CCDC88A: variants seen among roughly 807,000 people sequenced by gnomAD.
The protein encoded by CCDC88A is coiled-coil and HOOK domain protein 88A, also known as girdin.
In CCDC88A, 54 loss-of-function variants were observed where a neutral mutation model predicts 234.3. The observed-to-expected ratio is 0.23, with a 90% CI of 0.19 to 0.29. The LOEUF is 0.29. Among genes scored for constraint, CCDC88A ranks in the 10% least tolerant of loss-of-function variants. The pLI is 1.00. For missense variants in CCDC88A, 1,832 were observed against 2,123.4 expected (o/e 0.86, Z 2.70); for synonymous variants, 753 against 737.8 (o/e 1.02, Z -0.33).
At chr2:55,340,677 T>C (rs1668364436) in intron 12 of CCDC88A, among the ~76,000 whole-genome samples, 1 of 152,236 alleles carries the variant, frequency 6.6e-6, no homozygotes, top group Non-Finnish European at 1.5e-5. Context: ...CTACTTATTT[T>C]GGCTAAAAGT....
At chr2:55,361,628 A>G (rs1393498912) in intron 7 of CCDC88A, among the ~76,000 whole-genome samples, 1 of 152,200 alleles carries the variant, frequency 6.6e-6, no homozygotes, top group Non-Finnish European at 1.5e-5. Context: ...AACGAAACTG[A>G]TAAAAGCTAT....
intron 2 of CCDC88A, among the ~76,000 whole-genome samples, chr2:55,406,694 G>A (rs1001398153): frequency 7.2e-5 from 11 of 152,178 alleles, no homozygotes; most frequent in Admixed American, 6.5e-4. Context: ...AGGAGGCAGA[G>A]GCTGCAGTGA....
chr2:55,383,046 CT>C (rs1366205582), intron 3 of CCDC88A, among the ~76,000 whole-genome samples: 2 of 143,524 alleles, frequency 1.4e-5, no homozygotes, highest in Non-Finnish European at 3.0e-5. Context: ...TTGTATTGAG[CT>C]TTTACAGGTT....
intron 29 of CCDC88A, among the ~76,000 whole-genome samples, chr2:55,299,088 C>T (rs1363185861): frequency 1.3e-5 from 2 of 151,958 alleles, no homozygotes; most frequent in African/African-American, 2.4e-5. Flanking sequence ...CCTGCCGTTC[C>T]AGCTACTTGG....
In CCDC88A at chr2:55,404,412, T is replaced by C. The variant is rs547601562; in HGVS notation, c.164+14404A>G. The C allele has an allele frequency of 2.6e-5, 4 of 152,278 alleles. No homozygotes were observed. The South Asian group carries it at 8.3e-4, about 32-fold the overall frequency. 9.4% of individuals were successfully genotyped at this position (152,278 alleles called of 1,614,324 possible). ...ATTACCACAATATCGGTTTAATTTG[T>C]CTTTTTCAGTGTACCAGAAAAGTGC... On this transcript the variant is annotated intron_variant, in intron 2 of 32. Transcript: ENST00000436346.
At chr2:55,377,678 C>T (rs542100804) in intron 3 of CCDC88A, among the ~76,000 whole-genome samples, 3 of 151,990 alleles carry the variant, frequency 2.0e-5, no homozygotes, top group Non-Finnish European at 2.9e-5. Context: ...GGCATCATCT[C>T]GGTTCAATGC....
In CCDC88A at chr2:55,317,255, G is replaced by T. The variant is rs1477308685; in HGVS notation, c.3697C>A (p.His1233Asn). The T allele has an allele frequency of 1.3e-6, 2 of 1,552,908 alleles. No homozygotes were observed. Among genetic ancestry groups the T allele is most frequent in the East Asian group, 2.3e-5 (1 of 43,444 alleles). ...QEKMLLENKN[H>N]ETVAAEYKKL... ...TTGTATTCTGCAGCTACTGTTTCATGATTTTTATTTTCAAGCAGCATTTTT... is the reference window on the plus strand; with the variant it reads ...TTGTATTCTGCAGCTACTGTTTCATTATTTTTATTTTCAAGCAGCATTTTT... The change falls in exon 21 of 33, where the codon CAT (histidine) becomes AAT (asparagine). Residue 1233 changes from histidine (H) to asparagine (N), a missense_variant. His to Asn is a moderately conservative substitution (Grantham distance 68). Around this residue, in one of 6 missense-constraint regions of CCDC88A, gnomAD observed 1,282 missense variants for 1,543.6 expected, o/e 0.83. Coordinates refer to ENST00000436346, the MANE Select transcript of CCDC88A (RefSeq NM_001365480.1). The surrounding 1 kb of genome is among the most constrained non-coding windows in gnomAD (Gnocchi z 4.2).
At chr2:55,321,285 G>A (rs374453088) in intron 18 of CCDC88A, among the ~76,000 whole-genome samples, 6 of 152,014 alleles carry the variant, frequency 3.9e-5, no homozygotes, top group African/African-American at 1.5e-4. Context: ...GGGCGCGGTG[G>A]CTCATGCCTG....
At chr2:55,322,229 T>C (rs1683728120) in intron 18 of CCDC88A, among the ~76,000 whole-genome samples, 1 of 152,156 alleles carries the variant, frequency 6.6e-6, no homozygotes, top group African/African-American at 2.4e-5. Flanking sequence ...GGAACAATAG[T>C]GAATAGTTTA....
intron 2 of CCDC88A, among the ~76,000 whole-genome samples, chr2:55,396,767 G>A (rs1056426909): frequency 8.6e-5 from 13 of 150,896 alleles, no homozygotes; most frequent in Admixed American, 6.7e-4. Flanking sequence ...CTACTCGGGA[G>A]GCTGAGGCAG....
Position 55,337,377 on chromosome 2 carries a change from T to C in CCDC88A, c.1519-559A>G, listed in dbSNP as rs536098899. The C allele has an allele frequency of 2.6e-5, 4 of 152,260 alleles. No homozygotes were observed. The East Asian group carries it at 7.7e-4, about 29-fold the overall frequency. 9.4% of individuals were successfully genotyped at this position (152,260 alleles called of 1,614,324 possible). On this transcript the variant is annotated intron_variant, in intron 13 of 32. Coordinates refer to ENST00000436346, the MANE Select transcript of CCDC88A (RefSeq NM_001365480.1). ...AATTACGCATTTTAGAGATGAAAAA[T>C]ACTGGTAGTTAATATGTACAAAATA...
intron 9 of CCDC88A, chr2:55,349,099 T>TA (rs1346036824): frequency 6.5e-6 from 1 of 154,278 alleles, no homozygotes; most frequent in Non-Finnish European, 1.4e-5. Context: ...GTTTTAATCT[T>TA]ATTTAATAGG....
At chr2:55,373,715 A>G (rs1488221278) in intron 4 of CCDC88A, among the ~76,000 whole-genome samples, 4 of 151,812 alleles carry the variant, frequency 2.6e-5, no homozygotes. Context: ...TCATTTTTAA[A>G]TTTATATAAT....
chr2:55,373,895 C>G (rs1673207246), intron 4 of CCDC88A, among the ~76,000 whole-genome samples: 1 of 152,064 alleles, frequency 6.6e-6, no homozygotes, highest in South Asian at 2.1e-4. Flanking sequence ...AACATGTAGA[C>G]TGTAAGGATA....
intron 2 of CCDC88A, among the ~76,000 whole-genome samples, chr2:55,401,326 C>T (rs1678583682): frequency 1.3e-5 from 2 of 149,512 alleles, no homozygotes; most frequent in South Asian, 4.3e-4. Flanking sequence ...CCTAGCTACG[C>T]AGGAGGCTAA....
chr2:55,311,180 C>G (rs763624598), intron 23 of CCDC88A, among the ~76,000 whole-genome samples: 1 of 152,102 alleles, frequency 6.6e-6, no homozygotes, highest in Non-Finnish European at 1.5e-5. Context: ...AGCTTCTTAA[C>G]CTAAAACAAG....
At chr2:55,385,575 G>A (rs1240156197) in intron 3 of CCDC88A, among the ~76,000 whole-genome samples, 5 of 152,012 alleles carry the variant, frequency 3.3e-5, no homozygotes, top group African/African-American at 9.7e-5. Context: ...CAGTCTAGCC[G>A]GGCGCGGTGG....
At chr2:55,291,941 A>G (rs1679486899) in intron 31 of CCDC88A, 166 bp from the exon 32 acceptor site, 1 of 502,020 alleles carries the variant, frequency 2.0e-6, no homozygotes, top group South Asian at 3.1e-5. Flanking sequence ...ATCGATTTTT[A>G]TATTTTAAAG....
At chr2:55,302,179 G>T in intron 26 of CCDC88A, 107 bp from the exon 27 acceptor site, 1 of 813,712 alleles carries the variant, frequency 1.2e-6, no homozygotes. Context: ...TAATGCAAAT[G>T]GACATAAAAA....
Sources: allele counts gnomAD v4.1 joint callset (sites outside exome capture counted in the v4.1 genomes callset), GRCh38; gene constraint gnomAD v4.1.1; regional missense constraint gnomAD v4.1.1; non-coding constraint Gnocchi (gnomAD v3.1); transcripts MANE v1.5; gene names NCBI Gene and HGNC (gene_info 2026-07-23, HGNC 2026-07-21).